The following LRP1B variants were observed in gnomAD, a reference collection of about 807,000 sequenced individuals.
The protein encoded by LRP1B is LDL receptor related protein 1B.
In LRP1B, 217 loss-of-function variants were observed where a neutral mutation model predicts 556.6. The observed-to-expected ratio is 0.39, with a 90% CI of 0.35 to 0.44. LRP1B has a LOEUF of 0.44. LRP1B is among the 20% of genes least tolerant of loss of function. LRP1B has a pLI of 1.00. For missense variants in LRP1B, 5,053 were observed against 5,620.8 expected, an observed-to-expected ratio of 0.90 and a Z score of 3.23; for synonymous variants, 2,047 against 1,865.8, an observed-to-expected ratio of 1.10 and a Z score of -2.50.
intron 7 of LRP1B, among the ~76,000 whole-genome samples, chr2:141,072,388 T>C (rs1699671115): frequency 6.6e-6 from 1 of 152,078 alleles, no homozygotes; most frequent in Non-Finnish European, 1.5e-5. Flanking sequence ...CCCATAGATA[T>C]TGAAATGTCT....
At chr2:141,856,968 G>A (rs978538295) in intron 1 of LRP1B, among the ~76,000 whole-genome samples, 2 of 150,916 alleles carry the variant, frequency 1.3e-5, no homozygotes, top group African/African-American at 4.9e-5. Context: ...TGCTGGTTGT[G>A]TGGCCTGGAC....
intron 14 of LRP1B, among the ~76,000 whole-genome samples, chr2:141,006,669 T>C (rs1332604103): frequency 6.6e-6 from 1 of 151,942 alleles, no homozygotes; most frequent in Non-Finnish European, 1.5e-5. Context: ...TCTGTAAAAA[T>C]ATCCTCTTTA....
At chr2:141,313,741 A>G (rs901941277) in intron 3 of LRP1B, among the ~76,000 whole-genome samples, 1 of 152,214 alleles carries the variant, frequency 6.6e-6, no homozygotes, top group Non-Finnish European at 1.5e-5. Context: ...ACAGAAATGT[A>G]TATAAAAATA....
Position 141,637,850 on chromosome 2 carries a change from A to ACCCCCC in LRP1B, c.206-157318_206-157317insGGGGGG, listed in dbSNP as rs1176947803. Among the ~76,000 whole-genome samples, 42 of 152,312 alleles carry ACCCCCC rather than the reference A, an allele frequency of 2.8e-4. No homozygotes were observed. In the East Asian group the frequency reaches 7.7e-3, roughly 28 times the overall value. The stretch of plus-strand genomic sequence containing the variant: ...GAATCATGGGGGCAGATCCCTTATG[A>ACCCCCC]ATAGCTTAGCAGCATCTCCTTGGTG... On this transcript the variant is annotated intron_variant, in intron 2 of 90. Coordinates refer to ENST00000389484, the MANE Select transcript of LRP1B (RefSeq NM_018557.3).
chr2:141,107,898 G>C (rs1380315812), intron 7 of LRP1B, among the ~76,000 whole-genome samples: 1 of 152,046 alleles, frequency 6.6e-6, no homozygotes, highest in South Asian at 2.1e-4. Flanking sequence ...ACTAAGTGAA[G>C]TTTGCTATTT....
At chr2:140,506,553 T>C (rs1037438001) in intron 53 of LRP1B, among the ~76,000 whole-genome samples, 3 of 152,162 alleles carry the variant, frequency 2.0e-5, no homozygotes, top group African/African-American at 7.2e-5. Context: ...CCAAAGACAT[T>C]TTTATAAACA....
At chr2:140,274,863 G>T (rs1682605280) in intron 84 of LRP1B, among the ~76,000 whole-genome samples, 1 of 151,930 alleles carries the variant, frequency 6.6e-6, no homozygotes, top group Non-Finnish European at 1.5e-5. Flanking sequence ...GAATATTAAA[G>T]CTTAAGTTAA....
intron 1 of LRP1B, among the ~76,000 whole-genome samples, chr2:141,852,477 ACT>A (rs1697899679): frequency 6.6e-6 from 1 of 151,906 alleles, no homozygotes; most frequent in African/African-American, 2.4e-5. Context: ...AGTTAAAATA[ACT>A]CTGCAATGAA....
At chr2:140,645,625 C>T (rs369365073) in intron 41 of LRP1B, among the ~76,000 whole-genome samples, 286 of 149,100 alleles carry the variant, frequency 1.9e-3, no homozygotes, top group African/African-American at 6.9e-3. Context: ...CTGCAAGCTC[C>T]GCCTCCCGGG....
chr2:140,564,318 T>C (rs553015441), intron 43 of LRP1B, among the ~76,000 whole-genome samples: 1 of 152,268 alleles, frequency 6.6e-6, no homozygotes, highest in East Asian at 1.9e-4. Flanking sequence ...ATATTCACTT[T>C]AGCAATATGT....
chr2:140,694,006 C>A (rs1027584456), intron 41 of LRP1B, among the ~76,000 whole-genome samples: 2 of 152,172 alleles, frequency 1.3e-5, no homozygotes, highest in Non-Finnish European at 2.9e-5. Flanking sequence ...CCGCTCCAGG[C>A]CTAATCACAT....
intron 35 of LRP1B, among the ~76,000 whole-genome samples, chr2:140,751,503 T>C (rs1688578521): frequency 6.6e-6 from 1 of 152,208 alleles, no homozygotes; most frequent in Non-Finnish European, 1.5e-5. Flanking sequence ...TGAAATGTTA[T>C]CTTTAAATTT....
At position 141,614,629 on chromosome 2, in the gene LRP1B, C is replaced by T. The variant is rs1318618574; in HGVS notation, c.206-134096G>A. On this transcript the variant is annotated intron_variant, in intron 2 of 90. Transcript: ENST00000389484. ...AACATAGAGACACACAGGTAGAATG[C>T]CATGTGTAGACCGGGACAGAAATTG... is the stretch of plus-strand genomic sequence containing the variant. 3.9e-5 allele frequency among the ~76,000 whole-genome samples: 6 copies of T among 152,080 alleles called. No individual in the cohort carries two copies. In the East Asian group the frequency reaches 5.8e-4, roughly 15 times the overall value.
chr2:141,587,651 A>G (rs1687191465), intron 2 of LRP1B, among the ~76,000 whole-genome samples: 1 of 152,210 alleles, frequency 6.6e-6, no homozygotes, highest in African/African-American at 2.4e-5. Flanking sequence ...TTCTCCTTTC[A>G]GGGTAATTTA....
intron 1 of LRP1B, among the ~76,000 whole-genome samples, chr2:141,909,386 T>C (rs1258423619): frequency 1.3e-5 from 2 of 152,070 alleles, no homozygotes; most frequent in African/African-American, 4.8e-5. Flanking sequence ...TGCTTAATTG[T>C]TAGATTCCTC....
At position 140,450,748 on chromosome 2, in the gene LRP1B, CT is replaced by C. The variant is rs1686852253; in HGVS notation, c.9964-88del. 14 of 847,882 alleles carry C rather than the reference CT, an allele frequency of 1.7e-5. 1 individual carries two copies. In the South Asian group the frequency reaches 2.1e-4, roughly 13 times the overall value. The allele number at this position is 847,882 out of a possible 1,614,324, so 52.5% of individuals were successfully genotyped here. A position where few individuals can be genotyped will look rare whatever the true frequency, so the allele number is the denominator to read the frequency against. The stretch of plus-strand genomic sequence containing the variant: ...TTAAAATTTGGCAACACAGCCTAGT[CT>C]ACTTTTTTGCTGCAGATGTGAACAA... On this transcript the variant is annotated intron_variant, in intron 62 of 90. Transcript: ENST00000389484.
chr2:141,995,376 A>G (rs1702462684), intron 1 of LRP1B, among the ~76,000 whole-genome samples: 1 of 152,124 alleles, frequency 6.6e-6, no homozygotes, highest in Non-Finnish European at 1.5e-5. Context: ...CTCACTGAAT[A>G]TCACTCTTAC....
At chr2:140,784,078 G>C (rs1689799540) in intron 32 of LRP1B, among the ~76,000 whole-genome samples, 1 of 152,126 alleles carries the variant, frequency 6.6e-6, no homozygotes, top group South Asian at 2.1e-4. Flanking sequence ...ACAAACATTA[G>C]AATCACCTGG....
chr2:141,624,032 T>TAAAAAA (rs761446527), intron 2 of LRP1B, among the ~76,000 whole-genome samples: 3 of 14,450 alleles, frequency 2.1e-4, no homozygotes, highest in Non-Finnish European at 3.5e-4. Flanking sequence ...AAAAAAAAAT[T>TAAAAAA]AAACAAAAAA....
Sources: gnomAD v4.1 joint callset for allele counts (sites outside exome capture counted in the v4.1 genomes callset) on GRCh38, gnomAD v4.1.1 for gene constraint, MANE v1.5 for transcripts, NCBI Gene and HGNC (gene_info 2026-07-23, HGNC 2026-07-21) for gene names.